Variants in TGFA observed in about 807,000 individuals in gnomAD.
TGFA encodes the protein transforming growth factor alpha.
Under a neutral mutation model 21.7 loss-of-function variants are expected in TGFA, and 12 were observed. That is an observed-to-expected ratio of 0.55 (90% CI 0.35 to 0.90). The LOEUF (loss-of-function observed/expected upper bound fraction) is 0.90, where lower values mean the gene tolerates loss of function less well. Ranked by LOEUF, TGFA falls within the 40% of genes least tolerant of loss-of-function variation. The probability of loss-of-function intolerance (pLI) is 0.01; values close to 1 mark genes in which losing one functional copy is unlikely to be tolerated. For missense variants in TGFA, 178 were observed against 210.8 expected (o/e 0.84, Z 0.96); for synonymous variants, 79 against 88.1 (o/e 0.90, Z 0.58).
intron 2 of TGFA, among the ~76,000 whole-genome samples, chr2:70,489,836 CCT>C (rs66627498): frequency 5.4e-4 from 82 of 152,292 alleles, no homozygotes; most frequent in Middle Eastern, 6.8e-3. Flanking sequence ...AGGCCTCACC[CCT>C]GAGCCACTGA....
intron 3 of TGFA, among the ~76,000 whole-genome samples, chr2:70,462,476 A>G (rs782568906): frequency 6.6e-6 from 1 of 152,146 alleles, no homozygotes; most frequent in Non-Finnish European, 1.5e-5. Context: ...GACCAGTGTC[A>G]TGTTGCTGTC....
chr2:70,483,772 C>T (rs1396498141), intron 2 of TGFA, among the ~76,000 whole-genome samples: 1 of 152,186 alleles, frequency 6.6e-6, no homozygotes, highest in Admixed American at 6.5e-5. Flanking sequence ...TTCTCATAAA[C>T]ACCTGCCACC....
At chr2:70,515,159 G>C (rs1480239764) in intron 1 of TGFA, among the ~76,000 whole-genome samples, 1 of 152,058 alleles carries the variant, frequency 6.6e-6, no homozygotes, top group African/African-American at 2.4e-5. Flanking sequence ...CTTCTTCCCA[G>C]TCTCTCTCTC....
intron 2 of TGFA, among the ~76,000 whole-genome samples, chr2:70,514,524 G>A (rs1672207417): frequency 7.0e-6 from 1 of 142,302 alleles, no homozygotes; most frequent in Admixed American, 6.8e-5. Context: ...TACTTCAGGT[G>A]GACTATTACG....
At chr2:70,476,057 A>G (rs977731031) in intron 2 of TGFA, among the ~76,000 whole-genome samples, 1 of 118,800 alleles carries the variant, frequency 8.4e-6, no homozygotes, top group Non-Finnish European at 1.6e-5. Context: ...TATCCCTACT[A>G]CCTTGGTCTT....
At chr2:70,547,815 T>TATATATACTATCTATAGATATATATAGAG (rs1673359778) in intron 1 of TGFA, among the ~76,000 whole-genome samples, 7 of 145,568 alleles carry the variant, frequency 4.8e-5, no homozygotes, top group South Asian at 4.2e-4. Flanking sequence ...ATACTATCTA[T>TATATATACTATCTATAGATATATATAGAG]ATATATACTA....
chr2:70,483,303 C>T (rs1461379413), intron 2 of TGFA, among the ~76,000 whole-genome samples: 1 of 152,200 alleles, frequency 6.6e-6, no homozygotes, highest in African/African-American at 2.4e-5. Context: ...ACATTCTAAA[C>T]AATCTTCAGG....
chr2:70,493,123 A>G (rs1671483387), intron 2 of TGFA, among the ~76,000 whole-genome samples: 1 of 152,198 alleles, frequency 6.6e-6, no homozygotes, highest in Non-Finnish European at 1.5e-5. Flanking sequence ...AAGAATGTAC[A>G]TGATAAAACC....
chr2:70,467,701 G>A (rs1670612436), intron 2 of TGFA: 1 of 152,138 alleles, frequency 6.6e-6, no homozygotes. Flanking sequence ...TGCTCTCTGA[G>A]AAAGGACAGA....
At chr2:70,495,157 A>G (rs1671541935) in intron 2 of TGFA, among the ~76,000 whole-genome samples, 1 of 152,228 alleles carries the variant, frequency 6.6e-6, no homozygotes, top group Non-Finnish European at 1.5e-5. Context: ...TTAACCTACC[A>G]TCTCAGAATA....
At chr2:70,487,961 A>G (rs1452446421) in intron 2 of TGFA, among the ~76,000 whole-genome samples, 3 of 152,104 alleles carry the variant, frequency 2.0e-5, no homozygotes, top group Non-Finnish European at 4.4e-5. Context: ...TTTCTTCATA[A>G]CCGTTCCAAT....
At chr2:70,514,407 A>G (rs1192226305) in intron 2 of TGFA, among the ~76,000 whole-genome samples, 1 of 144,866 alleles carries the variant, frequency 6.9e-6, no homozygotes, top group African/African-American at 2.8e-5. Flanking sequence ...TAAAATAATA[A>G]TAAAAAAAAA....
chr2:70,553,249 C>T (rs1271637574), intron 1 of TGFA: 27 of 1,536,032 alleles, frequency 1.8e-5, no homozygotes, highest in Admixed American at 1.6e-4. Context: ...CATCTCTGCT[C>T]GTCGCTGGGG....
rs1553501380 is a variant in TGFA at position 70,514,839 on chromosome 2, C to G, written c.94+20G>C. 1 of 1,613,604 alleles carries G rather than the reference C, an allele frequency of 6.2e-7. No homozygotes were observed. The highest frequency in any genetic ancestry group is 2.2e-5 in the East Asian group (1 of 44,878). ...TCCCTTCCCACACACGATCCACACA[C>G]CCACGGCAGCTGCACTCACCACTCA... On this transcript the variant is annotated intron_variant, in intron 2 of 5. Transcript: ENST00000295400.
At chr2:70,548,710 C>T (rs1553506362) in intron 1 of TGFA, among the ~76,000 whole-genome samples, 1 of 152,162 alleles carries the variant, frequency 6.6e-6, no homozygotes, top group Non-Finnish European at 1.5e-5. Context: ...AATAAACTTC[C>T]AACTTTTTCT....
At chr2:70,498,684 A>G (rs1478596886) in intron 2 of TGFA, among the ~76,000 whole-genome samples, 1 of 152,014 alleles carries the variant, frequency 6.6e-6, no homozygotes, top group Non-Finnish European at 1.5e-5. Flanking sequence ...AGATCATGTC[A>G]TACATATATG....
intron 2 of TGFA, among the ~76,000 whole-genome samples, chr2:70,512,022 T>C (rs78495667): frequency 2.0e-5 from 3 of 147,616 alleles, no homozygotes; most frequent in East Asian, 2.1e-4. Context: ...TGTGCGGTGA[T>C]GAGAGAGTGG....
At chr2:70,526,057 C>T (rs948573721) in intron 1 of TGFA, among the ~76,000 whole-genome samples, 4 of 152,196 alleles carry the variant, frequency 2.6e-5, no homozygotes, top group Non-Finnish European at 5.9e-5. Context: ...GGAAATGCAA[C>T]AAGCTTGTAG....
chr2:70,539,183 T>G (rs988798610), intron 1 of TGFA, among the ~76,000 whole-genome samples: 4 of 152,264 alleles, frequency 2.6e-5, no homozygotes, highest in African/African-American at 7.2e-5. Flanking sequence ...TAAACATAAC[T>G]TTTATATGCA....
Sources: gnomAD v4.1 joint callset for allele counts (sites outside exome capture counted in the v4.1 genomes callset) on GRCh38, gnomAD v4.1.1 for gene constraint, MANE v1.5 for transcripts, NCBI Gene and HGNC (gene_info 2026-07-23, HGNC 2026-07-21) for gene names.